Variants in PLEKHG1 observed in about 807,000 individuals in gnomAD.
PLEKHG1 encodes pleckstrin homology domain-containing family G member 1.
A neutral mutation model predicts 100.8 loss-of-function variants in PLEKHG1; 44 were observed. That is an observed-to-expected ratio of 0.44 (90% CI 0.34 to 0.56). The LOEUF is 0.56. Among genes scored for constraint, PLEKHG1 ranks in the 20% least tolerant of loss-of-function variants. The pLI is 0.01. For missense variants in PLEKHG1, 1,545 were observed against 1,720.9 expected, an observed-to-expected ratio of 0.90 and a Z score of 1.81; for synonymous variants, 640 against 662.5, an observed-to-expected ratio of 0.97 and a Z score of 0.52.
chr6:150,832,283 G>T, intron 15 of PLEKHG1, 78 bp downstream of exon 16: 3 of 1,186,870 alleles, frequency 2.5e-6, no homozygotes, highest in South Asian at 1.5e-5. Context: ...TCCTTAAAAC[G>T]GACACACCTG....
chr6:150,756,044 G>A (rs1783824245), intron 2 of PLEKHG1, among the ~76,000 whole-genome samples: 2 of 152,056 alleles, frequency 1.3e-5, no homozygotes, highest in South Asian at 2.1e-4. Context: ...AACCTCGTCC[G>A]TAAGAGTCCA....
intron 2 of PLEKHG1, among the ~76,000 whole-genome samples, chr6:150,740,114 C>T (rs1007602635): frequency 1.3e-5 from 2 of 152,210 alleles, no homozygotes; most frequent in African/African-American, 4.8e-5. Flanking sequence ...GTGATTTCAG[C>T]ACATACTCTG....
chr6:150,600,262 G>A lies in PLEKHG1; in HGVS notation c.-204+245G>A, dbSNP rs191450250. ...GGGACGGAGGGCGCTGGGGGGCGCC[G>A]CGTCTCGGGGGTCGGAGTCGGGTCG... On this transcript the variant is annotated intron_variant, in intron 1 of 3. Coordinates refer to the PLEKHG1 transcript ENST00000367326. This position sits in a 1 kb window ranked among gnomAD's most constrained non-coding sequence, Gnocchi z 6.2. Among the ~76,000 whole-genome samples the A allele has an allele frequency of 9.6e-3, 1,463 of 151,666 alleles. 15 individuals are homozygous for A. The highest frequency in any genetic ancestry group is 0.034 in the African/African-American group (1,403 of 41,382).
intron 12 of PLEKHG1, among the ~76,000 whole-genome samples, chr6:150,820,304 C>T (rs1293913856): frequency 6.6e-6 from 1 of 152,104 alleles, no homozygotes; most frequent in Non-Finnish European, 1.5e-5. Flanking sequence ...CATTGACATG[C>T]AGATACTTAA....
chr6:150,653,406 C>T (rs967077366), intron 3 of PLEKHG1, among the ~76,000 whole-genome samples: 1 of 151,838 alleles, frequency 6.6e-6, no homozygotes, highest in Non-Finnish European at 1.5e-5. Context: ...GCTCACCCCC[C>T]ACGTGTATGT....
intron 2 of PLEKHG1, among the ~76,000 whole-genome samples, chr6:150,639,911 A>C (rs1409269995): frequency 6.6e-6 from 1 of 152,244 alleles, no homozygotes; most frequent in Non-Finnish European, 1.5e-5. Flanking sequence ...TTATTTTATA[A>C]AGAGTCCTTT....
chr6:150,696,773 A>G (rs1466044799), intron 3 of PLEKHG1, among the ~76,000 whole-genome samples: 1 of 152,174 alleles, frequency 6.6e-6, no homozygotes, highest in Non-Finnish European at 1.5e-5. Context: ...TCCCGTGTGC[A>G]TGAGACTGAA....
At chr6:150,783,847 A>G (rs1004161028) in intron 3 of PLEKHG1, among the ~76,000 whole-genome samples, 7 of 152,214 alleles carry the variant, frequency 4.6e-5, no homozygotes, top group African/African-American at 1.4e-4. Flanking sequence ...ACAAGCCCAC[A>G]TATTTCTAGA....
At chr6:150,637,029 G>A (rs1387140077) in intron 1 of PLEKHG1, among the ~76,000 whole-genome samples, 2 of 152,296 alleles carry the variant, frequency 1.3e-5, no homozygotes, top group South Asian at 2.1e-4. Flanking sequence ...CCCATATGCG[G>A]GAACCCCCTT....
At chr6:150,605,197 A>G (rs1483209605) in intron 1 of PLEKHG1, among the ~76,000 whole-genome samples, 1 of 152,222 alleles carries the variant, frequency 6.6e-6, no homozygotes, top group Non-Finnish European at 1.5e-5. Flanking sequence ...GTGGGGGAAC[A>G]GTTGTATTCT....
chr6:150,688,964 C>A (rs757757243), intron 3 of PLEKHG1, among the ~76,000 whole-genome samples: 11 of 152,142 alleles, frequency 7.2e-5, no homozygotes, highest in Admixed American at 3.3e-4. Context: ...GTTATGCAAC[C>A]ATCACCAGTA....
At chr6:150,836,165 T>C (rs1214541613) in intron 15 of PLEKHG1, among the ~76,000 whole-genome samples, 1 of 152,016 alleles carries the variant, frequency 6.6e-6, no homozygotes, top group African/African-American at 2.4e-5. Flanking sequence ...TCACTTGAGG[T>C]CAGGAGTTCA....
intron 4 of PLEKHG1, among the ~76,000 whole-genome samples, chr6:150,793,765 CGAGTATAATG>C (rs1420280476): frequency 6.6e-6 from 1 of 152,092 alleles, no homozygotes; most frequent in Non-Finnish European, 1.5e-5. Context: ...TAAACCAGTA[CGAGTATAATG>C]GACAGGGCAT....
chr6:150,724,613 GA>G (rs1781872929), intron 1 of PLEKHG1, among the ~76,000 whole-genome samples: 1 of 139,350 alleles, frequency 7.2e-6, no homozygotes. Flanking sequence ...AGGCTGGAGT[GA>G]AGTGGTGTGA....
rs768334279 is a variant in PLEKHG1, at chr6:150,804,772, G to T, written c.912+31G>T. On this transcript the variant is annotated intron_variant, in intron 7 of 15. Transcript: ENST00000358517. ...CCCGCGAGGTGTCGGTGCCCGGCAG[G>T]GTTGCAGGTGTAGTGACTTACTGTT... The T allele has an allele frequency of 6.8e-6, 11 of 1,608,356 alleles. No individual in the cohort carries two copies. In the Admixed American group the frequency reaches 1.5e-4, roughly 22 times the overall value.
At chr6:150,630,924 C>A (rs1197478046) in intron 1 of PLEKHG1, among the ~76,000 whole-genome samples, 1 of 152,106 alleles carries the variant, frequency 6.6e-6, no homozygotes, top group African/African-American at 2.4e-5. Flanking sequence ...TGCATCCTAG[C>A]AGCTGGAAAG....
chr6:150,786,218 C>G (rs943439942), intron 3 of PLEKHG1, among the ~76,000 whole-genome samples, 172 bp from the exon 5 acceptor site: 7 of 152,192 alleles, frequency 4.6e-5, no homozygotes, highest in South Asian at 2.1e-4. Context: ...CCACCATGAC[C>G]TTGGGCAAGT....
intron 15 of PLEKHG1, among the ~76,000 whole-genome samples, chr6:150,834,247 C>A (rs926008553): frequency 1.3e-5 from 2 of 152,222 alleles, no homozygotes; most frequent in Admixed American, 6.5e-5. Flanking sequence ...CTGATGCTAG[C>A]GTTGCTAAGC....
At chr6:150,736,086 G>T (rs372522919) in intron 2 of PLEKHG1, among the ~76,000 whole-genome samples, 2 of 152,276 alleles carry the variant, frequency 1.3e-5, no homozygotes, top group African/African-American at 4.8e-5. Context: ...GGCCTTATGG[G>T]GCCTAAGGTC....
Sources: allele counts gnomAD v4.1 joint callset (sites outside exome capture counted in the v4.1 genomes callset), GRCh38; gene constraint gnomAD v4.1.1; non-coding constraint Gnocchi (gnomAD v3.1); transcripts MANE v1.5; gene names NCBI Gene and HGNC (gene_info 2026-07-23, HGNC 2026-07-21).